FSHR: variants seen among roughly 807,000 people sequenced by gnomAD.
The protein encoded by FSHR is follicle stimulating hormone receptor, also known as follicle-stimulating hormone receptor.
FSHR carries 46 observed loss-of-function variants against 52.1 expected under a neutral mutation model. That is an observed-to-expected ratio of 0.88 (90% CI 0.70 to 1.13). The LOEUF (loss-of-function observed/expected upper bound fraction) is 1.13, where lower values mean the gene tolerates loss of function less well. Ranked by LOEUF, FSHR falls within the 50% of genes most tolerant of loss-of-function variation. FSHR has a pLI of 0.00. For missense variants in FSHR, 964 were observed against 834.6 expected (o/e 1.16, Z -1.91); for synonymous variants, 399 against 309.6 (o/e 1.29, Z -3.03).
At chr2:49,021,503 G>A (rs1199158924) in intron 2 of FSHR, among the ~76,000 whole-genome samples, 1 of 152,036 alleles carries the variant, frequency 6.6e-6, no homozygotes, top group East Asian at 1.9e-4. Context: ...GGATTTAGCG[G>A]AAGAGTTCTA....
At chr2:49,133,329 G>A (rs1263237508) in intron 1 of FSHR, among the ~76,000 whole-genome samples, 2 of 152,108 alleles carry the variant, frequency 1.3e-5, no homozygotes, top group Non-Finnish European at 2.9e-5. Flanking sequence ...CCCAGTTCAT[G>A]AGGCAGTGAA....
intron 1 of FSHR, among the ~76,000 whole-genome samples, chr2:49,106,355 A>AAG (rs61382948): frequency 6.6e-6 from 1 of 151,966 alleles, no homozygotes; most frequent in African/African-American, 2.4e-5. Context: ...AAGAAAGAAA[A>AAG]AGAGAGAGAG....
rs912447995 is a variant in FSHR, at chr2:48,962,291, G to A, written c.*442C>T. On this transcript the variant is annotated 3_prime_UTR_variant, in exon 10 of 10. Coordinates refer to ENST00000406846, the MANE Select transcript of FSHR (RefSeq NM_000145.4). ...AATGAATACCATGGTGCTTCTCTGG[G>A]AAATTCTCTGGGAGTCGGAATACCT... is the stretch of plus-strand genomic sequence containing the variant. 4.7e-6 allele frequency: 1 copy of A among 212,142 alleles called. No individual in the cohort carries two copies. Among genetic ancestry groups the A allele is most frequent in the Non-Finnish European group, 9.5e-6 (1 of 104,754 alleles). The allele number at this position is 212,142 out of a possible 1,614,324, so 13.1% of individuals were successfully genotyped here. A position where few individuals can be genotyped will look rare whatever the true frequency, so the allele number is the denominator to read the frequency against.
intron 4 of FSHR, among the ~76,000 whole-genome samples, chr2:49,012,778 A>G (rs1667319536): frequency 6.6e-6 from 1 of 152,140 alleles, no homozygotes; most frequent in Admixed American, 6.6e-5. Flanking sequence ...CATCCCAAAG[A>G]ATATCTGAAA....
intron 1 of FSHR, among the ~76,000 whole-genome samples, chr2:49,140,958 C>T (rs1309165902): frequency 1.3e-5 from 2 of 152,170 alleles, no homozygotes; most frequent in African/African-American, 4.8e-5. Context: ...TGCAGAAGAT[C>T]AGCTACTCAA....
intron 1 of FSHR, among the ~76,000 whole-genome samples, chr2:49,107,835 C>A (rs1042741041): frequency 3.3e-5 from 5 of 152,088 alleles, no homozygotes; most frequent in African/African-American, 7.2e-5. Context: ...ACAAAGTATT[C>A]CTGACTCTAA....
intron 8 of FSHR, among the ~76,000 whole-genome samples, chr2:48,980,359 C>T (rs1316805637): frequency 2.0e-5 from 3 of 152,186 alleles, no homozygotes; most frequent in African/African-American, 4.8e-5. Flanking sequence ...AAGGACAAAA[C>T]AATGGGCCTA....
At chr2:49,089,162 G>A (rs952993131) in intron 1 of FSHR, among the ~76,000 whole-genome samples, 11 of 150,168 alleles carry the variant, frequency 7.3e-5, no homozygotes, top group Admixed American at 5.9e-4. Flanking sequence ...TTTAATCTTC[G>A]TGGTGATAAC....
chr2:48,982,212 AGAGGACTTTGGAAT>A (rs960736163), intron 8 of FSHR, among the ~76,000 whole-genome samples: 2 of 152,180 alleles, frequency 1.3e-5, no homozygotes. Flanking sequence ...TTGAGGAGGT[AGAGGACTTTGGAAT>A]GATGCTTGAT....
At chr2:49,039,026 A>G (rs1340577797) in intron 2 of FSHR, among the ~76,000 whole-genome samples, 1 of 152,176 alleles carries the variant, frequency 6.6e-6, no homozygotes, top group Non-Finnish European at 1.5e-5. Context: ...CTGAGACTTC[A>G]AAAAATATCT....
rs1202081929 is a variant in FSHR, at chr2:48,989,065, G to A, written c.447-11C>T. The A allele has an allele frequency of 3.7e-6, 6 of 1,606,832 alleles. No individual in the cohort carries two copies. In the East Asian group the frequency reaches 6.7e-5, roughly 18 times the overall value. ...TTATCTTGAATGTCACTAGAAGAAA[G>A]TACAGACAAATAAGATACTTACATC... On this transcript the variant is annotated splice_polypyrimidine_tract_variant and intron_variant, in intron 5 of 9. Transcript: ENST00000406846.
chr2:49,017,020 C>G (rs536667062), intron 4 of FSHR, among the ~76,000 whole-genome samples: 4 of 152,128 alleles, frequency 2.6e-5, no homozygotes, highest in Non-Finnish European at 5.9e-5. Context: ...AGCTGAAACA[C>G]TAGGAATCTC....
intron 6 of FSHR, among the ~76,000 whole-genome samples, chr2:48,986,922 A>G (rs1226868120): frequency 6.6e-6 from 1 of 152,146 alleles, no homozygotes; most frequent in Non-Finnish European, 1.5e-5. Flanking sequence ...ATATGAGCAC[A>G]CTCCCACTTA....
intron 1 of FSHR, among the ~76,000 whole-genome samples, chr2:49,089,519 GAGAC>G (rs1670522977): frequency 6.6e-6 from 1 of 152,090 alleles, no homozygotes; most frequent in African/African-American, 2.4e-5. Context: ...CAGAAACACA[GAGAC>G]TCTTCATTAA....
chr2:48,992,222 G>T (rs766184075), intron 4 of FSHR, among the ~76,000 whole-genome samples: 1 of 152,098 alleles, frequency 6.6e-6, no homozygotes, highest in Non-Finnish European at 1.5e-5. Flanking sequence ...TTTCAGCATA[G>T]AGGTCTATGG....
chr2:49,098,188 T>C (rs1299295076), intron 1 of FSHR, among the ~76,000 whole-genome samples: 1 of 152,178 alleles, frequency 6.6e-6, no homozygotes, highest in Non-Finnish European at 1.5e-5. Context: ...TGTAATTGGG[T>C]GTACTTTTTT....
chr2:49,106,191 G>T (rs1671213228), intron 1 of FSHR, among the ~76,000 whole-genome samples: 1 of 152,168 alleles, frequency 6.6e-6, no homozygotes, highest in African/African-American at 2.4e-5. Context: ...TTAAAAGGAG[G>T]CAAGCCTTAA....
At chr2:49,033,993 A>G (rs1219810284) in intron 2 of FSHR, among the ~76,000 whole-genome samples, 6 of 152,146 alleles carry the variant, frequency 3.9e-5, no homozygotes, top group Admixed American at 3.9e-4. Flanking sequence ...AGATGAAGTG[A>G]GGTAATTATT....
In FSHR at chr2:49,039,437, G is replaced by T. The variant is rs139040864; in HGVS notation, c.225-19277C>A. 1.9e-4 allele frequency among the ~76,000 whole-genome samples: 29 copies of T among 152,316 alleles called. 1 individual carries two copies. In the East Asian group the frequency reaches 5.6e-3, roughly 29 times the overall value. On this transcript the variant is annotated intron_variant, in intron 2 of 9. Coordinates refer to ENST00000406846, the MANE Select transcript of FSHR (RefSeq NM_000145.4). ...GCACTGTCTAGACTCAGCCTTCGTGGAGGAGGGCACAGAGCAGTATACAAA... is the reference window on the plus strand; with the variant it reads ...GCACTGTCTAGACTCAGCCTTCGTGTAGGAGGGCACAGAGCAGTATACAAA...
Sources: allele counts gnomAD v4.1 joint callset (sites outside exome capture counted in the v4.1 genomes callset), GRCh38; gene constraint gnomAD v4.1.1; transcripts MANE v1.5; gene names NCBI Gene and HGNC (gene_info 2026-07-23, HGNC 2026-07-21).